Variants in DUSP1 observed in about 807,000 individuals in gnomAD.
The protein encoded by DUSP1 is dual specificity phosphatase 1.
Under a neutral mutation model 27.4 loss-of-function variants are expected in DUSP1, and 10 were observed. That is an observed-to-expected ratio of 0.37 (90% CI 0.23 to 0.62). The LOEUF (loss-of-function observed/expected upper bound fraction) is 0.62. Ranked by LOEUF, DUSP1 falls within the 20% of genes least tolerant of loss-of-function variation. The pLI, the probability that DUSP1 is intolerant of heterozygous loss-of-function variation, is 0.68. For missense variants in DUSP1, 425 were observed against 508.1 expected, an observed-to-expected ratio of 0.84 and a Z score of 1.57; for synonymous variants, 262 against 223.6, an observed-to-expected ratio of 1.17 and a Z score of -1.53.
Position 172,769,780 on chromosome 5 carries a change from T to C in DUSP1, c.528A>G (p.Glu176=), listed in dbSNP as rs755742331. 1 of 1,613,910 alleles carries C rather than the reference T, an allele frequency of 6.2e-7. No homozygotes were observed. The highest frequency in any genetic ancestry group is 2.2e-5 in the East Asian group (1 of 44,892). The change falls in exon 3 of 4, where the codon GAA becomes GAG. Residue 176 remains glutamate (E), a synonymous_variant. Coordinates refer to ENST00000239223, the MANE Select transcript of DUSP1 (RefSeq NM_004417.4). ...TPLYDQGGPV[E]ILPFLYLGSA... ...TGCCCAGGTACAGAAAGGGCAGGAT[T>C]TCCACCGGGCCACCCTGAAATCCAG...
chr5:172,768,692 T>C lies in DUSP1; in HGVS notation c.*70A>G. The C allele has an allele frequency of 1.4e-6, 2 of 1,458,182 alleles. No homozygotes were observed. The highest frequency in any genetic ancestry group is 1.4e-5 in the African/African-American group (1 of 70,006). 90.3% of individuals were successfully genotyped at this position (1,458,182 alleles called of 1,614,324 possible). On this transcript the variant is annotated 3_prime_UTR_variant, in exon 4 of 4. Coordinates refer to ENST00000239223, the MANE Select transcript of DUSP1 (RefSeq NM_004417.4). ...AGCCCTCTCGAGCCCCTCCCAGAGT[T>C]ATTGCATTTCTCCTCTCAAGGAGCA...
rs1388113322 is a variant in DUSP1 at position 172,769,149 on chromosome 5, G to A, written c.734-17C>T. The A allele has an allele frequency of 3.1e-6, 5 of 1,592,300 alleles. No individual in the cohort carries two copies. Among genetic ancestry groups the A allele is most frequent in the Non-Finnish European group, 4.3e-6 (5 of 1,173,554 alleles). On this transcript the variant is annotated splice_polypyrimidine_tract_variant and intron_variant, in intron 3 of 3. Coordinates refer to ENST00000239223, the MANE Select transcript of DUSP1 (RefSeq NM_004417.4). ...TGATGGAGTCTGGAAAACCAAAGGA[G>A]CGGCTGGTTACTTGAGAGTTCAGGA... is the stretch of plus-strand genomic sequence containing the variant.
chr5:172,771,177 C>G lies in DUSP1; in HGVS notation c.-225G>C. ...GCCCCTCCGACCCGCGTCGCACACACAGCCCAAATGTCCTTCGCAGCGAGC... is the reference window on the plus strand; with the variant it reads ...GCCCCTCCGACCCGCGTCGCACACAGAGCCCAAATGTCCTTCGCAGCGAGC... On this transcript the variant is annotated 5_prime_UTR_variant, in exon 1 of 4. Transcript: ENST00000239223. The G allele has an allele frequency of 1.9e-6, 1 of 519,648 alleles. No individual in the cohort carries two copies. The highest frequency in any genetic ancestry group is 3.1e-6 in the Non-Finnish European group (1 of 322,920). The allele number at this position is 519,648 out of a possible 1,614,324, so 32.2% of individuals were successfully genotyped here. A position where few individuals can be genotyped will look rare whatever the true frequency, so the allele number is the denominator to read the frequency against.
rs753825565 is a variant in DUSP1, at chr5:172,768,879, G to C, written c.987C>G (p.Leu329=). Reference sequence around the variant, plus strand: ...CGGTGGTGGTGGAGGTGCCTCGGTCGAGCACAGCCATGGCGGGGCTCCCAG... The same window carrying C: ...CGGTGGTGGTGGAGGTGCCTCGGTCCAGCACAGCCATGGCGGGGCTCCCAG... The part of the protein sequence containing the change: ...AEAGSPAMAV[L]DRGTSTTTVF... The change falls in exon 4 of 4, where the codon CTC becomes CTG. Residue 329 remains leucine, a synonymous_variant. Coordinates refer to ENST00000239223, the MANE Select transcript of DUSP1 (RefSeq NM_004417.4). 2 of 1,611,620 alleles carry C rather than the reference G, an allele frequency of 1.2e-6. No individual in the cohort carries two copies. Among genetic ancestry groups the C allele is most frequent in the African/African-American group, 1.3e-5 (1 of 74,896 alleles).
chr5:172,769,493 A>C (rs950716822), intron 3 of DUSP1, 82 bp downstream of exon 3: 2 of 1,487,530 alleles, frequency 1.3e-6, no homozygotes, highest in African/African-American at 1.4e-5. Flanking sequence ...AGAAAACTTC[A>C]AGCTCTTGCC....
At chr5:172,769,216 A>C in intron 3 of DUSP1, 84 bp from the exon 4 acceptor site, 3 of 1,515,790 alleles carry the variant, frequency 2.0e-6, no homozygotes, top group Non-Finnish European at 2.6e-6. Flanking sequence ...GAGAAAGGTC[A>C]TGTGTGTCTT....
Position 172,768,733 on chromosome 5 carries a change from A to C in DUSP1, c.*29T>G. The C allele has an allele frequency of 2.0e-6, 3 of 1,498,212 alleles. No individual in the cohort carries two copies. Among genetic ancestry groups the C allele is most frequent in the Non-Finnish European group, 2.7e-6 (3 of 1,122,890 alleles). The allele number at this position is 1,498,212 out of a possible 1,614,324, so 92.8% of individuals were successfully genotyped here. ...TCAAGGAGCATGGAGTCCCAATGGGATGTGAAGAGCCTCACCTCCCGTGGC... is the reference window on the plus strand; with the variant it reads ...TCAAGGAGCATGGAGTCCCAATGGGCTGTGAAGAGCCTCACCTCCCGTGGC... On this transcript the variant is annotated 3_prime_UTR_variant, in exon 4 of 4. Coordinates refer to ENST00000239223, the MANE Select transcript of DUSP1 (RefSeq NM_004417.4).
Position 172,771,086 on chromosome 5 carries a change from T to G in DUSP1, c.-134A>C, listed in dbSNP as rs1319948621. The G allele has an allele frequency of 2.5e-6, 3 of 1,216,526 alleles. No individual in the cohort carries two copies. In the African/African-American group the frequency reaches 4.7e-5, roughly 19 times the overall value. 75.4% of individuals were successfully genotyped at this position (1,216,526 alleles called of 1,614,324 possible). A position where few individuals can be genotyped will look rare whatever the true frequency, so the allele number is the denominator to read the frequency against. On this transcript the variant is annotated 5_prime_UTR_variant, in exon 1 of 4. Transcript: ENST00000239223. ...CTCTGCGCCGAACCAAAAGCCGCTT[T>G]TGGACTGAGAGAGGAGCGTCACGCG...
rs932103395 is a variant in DUSP1, at chr5:172,770,854, G to A, written c.99C>T (p.Phe33=). ...CGGCGATGTGGCCGGCGTTGAAAGC[G>A]AAGAAGGAGCGGCAGTCCAGCAGCA... is the stretch of plus-strand genomic sequence containing the variant. The part of the protein sequence containing the change: ...QCLLLDCRSF[F]AFNAGHIAGS... Residue 33 remains phenylalanine (F), a synonymous_variant, in exon 1 of 4, where the codon TTC becomes TTT. Transcript: ENST00000239223. 2.0e-6 allele frequency: 3 copies of A among 1,529,984 alleles called. No homozygotes were observed. The highest frequency in any genetic ancestry group is 2.5e-5 in the East Asian group (1 of 40,116). The allele number at this position is 1,529,984 out of a possible 1,614,324, so 94.8% of individuals were successfully genotyped here. A position where few individuals can be genotyped will look rare whatever the true frequency, so the allele number is the denominator to read the frequency against.
chr5:172,771,151 T>A lies in DUSP1; in HGVS notation c.-199A>T. The A allele has an allele frequency of 1.5e-6, 1 of 666,122 alleles. No homozygotes were observed. The highest frequency in any genetic ancestry group is 2.2e-6 in the Non-Finnish European group (1 of 454,728). The allele number at this position is 666,122 out of a possible 1,614,324, so 41.3% of individuals were successfully genotyped here. On this transcript the variant is annotated 5_prime_UTR_variant, in exon 1 of 4. Coordinates refer to ENST00000239223, the MANE Select transcript of DUSP1 (RefSeq NM_004417.4). ...TCGGCTTCTTCGCGGTTCCCCCGAC[T>A]GCCCCTCCGACCCGCGTCGCACACA...
chr5:172,770,338 T>G, intron 1 of DUSP1, 32 bp from the exon 2 acceptor site: 1 of 1,609,782 alleles, frequency 6.2e-7, no homozygotes, highest in Non-Finnish European at 8.5e-7. Flanking sequence ...TTTTCCCCAT[T>G]AGTGACACCG....
At position 172,771,117 on chromosome 5, in the gene DUSP1, C is replaced by G. The variant is rs1430430148; in HGVS notation, c.-165G>C. 1 of 986,006 alleles carries G rather than the reference C, an allele frequency of 1.0e-6. No individual in the cohort carries two copies. Among genetic ancestry groups the G allele is most frequent in the Non-Finnish European group, 1.3e-6 (1 of 745,768 alleles). The allele number at this position is 986,006 out of a possible 1,614,324, so 61.1% of individuals were successfully genotyped here. ...TGAGAGAGGAGCGTCACGCGGGGCT[C>G]CGGGCTCCTCGGCTTCTTCGCGGTT... On this transcript the variant is annotated 5_prime_UTR_variant, in exon 1 of 4. Transcript: ENST00000239223.
chr5:172,770,338 T>A (rs772143918), intron 1 of DUSP1, 32 bp from the exon 2 acceptor site: 1 of 1,609,782 alleles, frequency 6.2e-7, no homozygotes, highest in Admixed American at 1.7e-5. Context: ...TTTTCCCCAT[T>A]AGTGACACCG....
At position 172,768,570 on chromosome 5, in the gene DUSP1, G is replaced by T; in HGVS notation, c.*192C>A. ...GATGTACCCACTATATATTGGTCCC[G>T]AATGTGCTGAGTTCAGCAAATGTCT... On this transcript the variant is annotated 3_prime_UTR_variant, in exon 4 of 4. Transcript: ENST00000239223. 1.5e-6 allele frequency: 1 copy of T among 667,392 alleles called. No homozygotes were observed. The highest frequency in any genetic ancestry group is 2.2e-6 in the Non-Finnish European group (1 of 460,186). 41.3% of individuals were successfully genotyped at this position (667,392 alleles called of 1,614,324 possible). A position where few individuals can be genotyped will look rare whatever the true frequency, so the allele number is the denominator to read the frequency against.
chr5:172,768,642 G>C lies in DUSP1; in HGVS notation c.*120C>G. The C allele has an allele frequency of 2.3e-6, 3 of 1,315,886 alleles. No individual in the cohort carries two copies. Among genetic ancestry groups the C allele is most frequent in the Non-Finnish European group, 9.9e-7 (1 of 1,011,520 alleles). 81.5% of individuals were successfully genotyped at this position (1,315,886 alleles called of 1,614,324 possible). A position where few individuals can be genotyped will look rare whatever the true frequency, so the allele number is the denominator to read the frequency against. The stretch of plus-strand genomic sequence containing the variant: ...ACTGCTTAGAAACCCAGAGGAACTC[G>C]GGTGAAGTTAAATAAATAAGGACCA... On this transcript the variant is annotated 3_prime_UTR_variant, in exon 4 of 4. Coordinates refer to ENST00000239223, the MANE Select transcript of DUSP1 (RefSeq NM_004417.4).
In DUSP1 at chr5:172,770,827, G is replaced by C. The variant is rs1435121461; in HGVS notation, c.126C>G (p.Gly42=). Residue 42 remains glycine (G), a synonymous_variant, in exon 1 of 4, where the codon GGC becomes GGG. Transcript: ENST00000239223. The part of the protein sequence containing the change: ...FFAFNAGHIA[G]SVNVRFSTIV... ...TGGTGCTGAAGCGCACGTTGACAGA[G>C]CCGGCGATGTGGCCGGCGTTGAAAG... 10 of 1,526,792 alleles carry C rather than the reference G, an allele frequency of 6.5e-6. No homozygotes were observed. Among genetic ancestry groups the C allele is most frequent in the Admixed American group, 4.1e-5 (2 of 49,334 alleles). The allele number at this position is 1,526,792 out of a possible 1,614,324, so 94.6% of individuals were successfully genotyped here.
At position 172,768,909 on chromosome 5, in the gene DUSP1, T is replaced by C. The variant is rs781436876; in HGVS notation, c.957A>G (p.Ala319=). 6.2e-7 allele frequency: 1 copy of C among 1,613,702 alleles called. No individual in the cohort carries two copies. The highest frequency in any genetic ancestry group is 8.5e-7 in the Non-Finnish European group (1 of 1,179,670). The part of the protein sequence containing the change: ...ESQVLAPHCS[A]EAGSPAMAVL... ...CAGCCATGGCGGGGCTCCCAGCCTC[T>C]GCCGAACAGTGCGGAGCCAGCACCT... Residue 319 remains alanine (A), a synonymous_variant, in exon 4 of 4, where the codon GCA becomes GCG. Transcript: ENST00000239223.
chr5:172,769,923 G>A (rs1395489546), intron 2 of DUSP1, 129 bp from the exon 3 acceptor site: 53 of 1,251,264 alleles, frequency 4.2e-5, no homozygotes, highest in Non-Finnish European at 5.3e-5. Flanking sequence ...GTTGCTGGAG[G>A]ATAAATAAAT....
chr5:172,770,413 C>T (rs181067686), intron 1 of DUSP1, 107 bp from the exon 2 acceptor site: 3 of 1,562,316 alleles, frequency 1.9e-6, no homozygotes, highest in Admixed American at 2.1e-5. Flanking sequence ...CGGAAAGGCC[C>T]AGGCAAGTCT....
Sources: allele counts gnomAD v4.1 joint callset, GRCh38; gene constraint gnomAD v4.1.1; transcripts MANE v1.5; gene names NCBI Gene and HGNC (gene_info 2026-07-23, HGNC 2026-07-21).